Variants in NTN4 observed in about 807,000 individuals in gnomAD.
The protein encoded by NTN4 is netrin-4.
NTN4 carries 32 observed loss-of-function variants against 73.6 expected under a neutral mutation model. The observed-to-expected ratio is 0.44, with a 90% confidence interval of 0.33 to 0.58. The LOEUF (loss-of-function observed/expected upper bound fraction) is 0.58, where lower values mean the gene tolerates loss of function less well. NTN4 is among the 20% of genes least tolerant of loss of function. NTN4 has a pLI of 0.04. For missense variants in NTN4, 654 were observed against 798.3 expected (o/e 0.82, Z 2.18); for synonymous variants, 258 against 287.5 (o/e 0.90, Z 1.04).
At chr12:95,712,847 A>G (rs1227512456) in intron 4 of NTN4, among the ~76,000 whole-genome samples, 2 of 133,314 alleles carry the variant, frequency 1.5e-5, no homozygotes, top group Admixed American at 8.9e-5. Flanking sequence ...CATGTTGGCC[A>G]GGCTGGTCTT....
At chr12:95,672,335 C>A in intron 7 of NTN4, 1 of 789,260 alleles carries the variant, frequency 1.3e-6, no homozygotes, top group Non-Finnish European at 2.3e-6. Context: ...GCTGATCCAG[C>A]ATGGAGAGTG....
At position 95,670,360 on chromosome 12, in the gene NTN4, G is replaced by T. The variant is rs181514574; in HGVS notation, c.1511-214C>A. 1.0e-5 allele frequency: 4 copies of T among 387,678 alleles called. No individual in the cohort carries two copies. The Admixed American group carries it at 1.8e-4, about 18-fold the overall frequency. The allele number at this position is 387,678 out of a possible 1,614,324, so 24.0% of individuals were successfully genotyped here. On this transcript the variant is annotated intron_variant, in intron 7 of 9. Coordinates refer to ENST00000343702, the MANE Select transcript of NTN4 (RefSeq NM_021229.4). ...CTTCCAATAAAGTATTCATCCAAGAGAAATACAGAAGGTAGAAACAGTGAT... is the reference window on the plus strand; with the variant it reads ...CTTCCAATAAAGTATTCATCCAAGATAAATACAGAAGGTAGAAACAGTGAT...
At chr12:95,779,400 G>A (rs1022863129) in intron 2 of NTN4, among the ~76,000 whole-genome samples, 1 of 152,232 alleles carries the variant, frequency 6.6e-6, no homozygotes, top group Non-Finnish European at 1.5e-5. Flanking sequence ...TGTATATTTA[G>A]AAAACTCCAT....
At chr12:95,660,530 GA>G (rs1057279202) in intron 9 of NTN4, among the ~76,000 whole-genome samples, 11 of 151,604 alleles carry the variant, frequency 7.3e-5, no homozygotes, top group African/African-American at 2.7e-4. Context: ...TCAAGCTTTA[GA>G]TAACAAATTT....
At chr12:95,756,946 A>G (rs2078951266) in intron 2 of NTN4, among the ~76,000 whole-genome samples, 1 of 152,028 alleles carries the variant, frequency 6.6e-6, no homozygotes, top group Non-Finnish European at 1.5e-5. Flanking sequence ...GTCATCTTTG[A>G]TGTAACTTTA....
chr12:95,786,322 T>C (rs912828815), intron 2 of NTN4, among the ~76,000 whole-genome samples: 1 of 152,210 alleles, frequency 6.6e-6, no homozygotes, highest in Non-Finnish European at 1.5e-5. Flanking sequence ...GAGAAAGGAA[T>C]ATTAAAGAGA....
intron 2 of NTN4, among the ~76,000 whole-genome samples, chr12:95,739,296 A>G (rs900172805): frequency 6.6e-6 from 1 of 152,252 alleles, no homozygotes; most frequent in Non-Finnish European, 1.5e-5. Context: ...GACAATAATA[A>G]GAAATAACGG....
intron 3 of NTN4, among the ~76,000 whole-genome samples, chr12:95,737,605 A>G (rs1219889348): frequency 6.6e-6 from 1 of 152,160 alleles, no homozygotes; most frequent in African/African-American, 2.4e-5. Context: ...TGCTCACTTT[A>G]CACTTTATAT....
intron 3 of NTN4, among the ~76,000 whole-genome samples, chr12:95,727,199 T>C (rs1183765919): frequency 2.0e-5 from 3 of 152,212 alleles, no homozygotes; most frequent in African/African-American, 7.2e-5. Flanking sequence ...TTTATGTGCT[T>C]ATTGGCCATT....
intron 2 of NTN4, among the ~76,000 whole-genome samples, chr12:95,762,736 G>T (rs953433041): frequency 2.0e-5 from 3 of 152,180 alleles, no homozygotes; most frequent in Non-Finnish European, 4.4e-5. Context: ...TCTGCTCATG[G>T]AGTAGAGATT....
rs537937604 is a variant in NTN4 at position 95,716,769 on chromosome 12, T to A, written c.865-3431A>T. On this transcript the variant is annotated intron_variant, in intron 3 of 9. Coordinates refer to ENST00000343702, the MANE Select transcript of NTN4 (RefSeq NM_021229.4). ...TTACATCAGCATGTTAATTCTTATG[T>A]AGTTTTTTTGCATCCTCTCCATTTT... 2.7e-4 allele frequency among the ~76,000 whole-genome samples: 41 copies of A among 152,276 alleles called. 1 individual carries two copies. The highest frequency in any genetic ancestry group is 6.8e-3 in the Middle Eastern group (2 of 294).
chr12:95,758,311 T>G (rs1393305933), intron 2 of NTN4, among the ~76,000 whole-genome samples: 1 of 152,204 alleles, frequency 6.6e-6, no homozygotes, highest in Non-Finnish European at 1.5e-5. Context: ...GGTTTTAGTT[T>G]GTATTTCCCT....
At chr12:95,667,090 G>C (rs1334033715) in intron 8 of NTN4, among the ~76,000 whole-genome samples, 1 of 152,106 alleles carries the variant, frequency 6.6e-6, no homozygotes, top group Admixed American at 6.5e-5. Flanking sequence ...TGATGAAATT[G>C]ATATGGCTGG....
At chr12:95,675,718 T>A (rs926586662) in intron 7 of NTN4, among the ~76,000 whole-genome samples, 4 of 152,232 alleles carry the variant, frequency 2.6e-5, no homozygotes, top group African/African-American at 9.6e-5. Flanking sequence ...GAATGTGCAT[T>A]CGGGGGATAG....
At chr12:95,715,469 C>A (rs2078598488) in intron 3 of NTN4, among the ~76,000 whole-genome samples, 1 of 151,992 alleles carries the variant, frequency 6.6e-6, no homozygotes. Flanking sequence ...TCTTGGAATC[C>A]CCAAGTATGA....
intron 2 of NTN4, among the ~76,000 whole-genome samples, chr12:95,770,500 G>T: frequency 6.6e-6 from 1 of 152,170 alleles, no homozygotes; most frequent in Non-Finnish European, 1.5e-5. Flanking sequence ...CTTTTTATTT[G>T]GAGGTGGTGG....
intron 2 of NTN4, among the ~76,000 whole-genome samples, chr12:95,746,241 G>C (rs921707000): frequency 2.6e-5 from 4 of 152,128 alleles, no homozygotes; most frequent in Non-Finnish European, 5.9e-5. Context: ...CCAGGAATTC[G>C]TCCGATTGAT....
At position 95,789,092 on chromosome 12, in the gene NTN4, T is replaced by C. The variant is rs1385336545; in HGVS notation, c.55+1163A>G. Among the ~76,000 whole-genome samples, 3 of 152,132 alleles carry C rather than the reference T, an allele frequency of 2.0e-5. No homozygotes were observed. The highest frequency in any genetic ancestry group is 6.5e-5 in the Admixed American group (1 of 15,280). On this transcript the variant is annotated intron_variant, in intron 1 of 9. Transcript: ENST00000343702. The surrounding 1 kb of genome is among the most constrained non-coding windows in gnomAD (Gnocchi z 4.0). ...CCAATAATTTTAAATGCCCCTAAAC[T>C]CCTAAGTCCAGAAAAGATTTGAGCC...
intron 1 of NTN4, among the ~76,000 whole-genome samples, chr12:95,787,779 G>C (rs1325264740): frequency 2.6e-5 from 4 of 152,150 alleles, no homozygotes; most frequent in East Asian, 3.9e-4. Flanking sequence ...GAACCACCAG[G>C]GTGAAGATTA....
Sources: allele counts gnomAD v4.1 joint callset (sites outside exome capture counted in the v4.1 genomes callset), GRCh38; gene constraint gnomAD v4.1.1; non-coding constraint Gnocchi (gnomAD v3.1); transcripts MANE v1.5; gene names NCBI Gene and HGNC (gene_info 2026-07-23, HGNC 2026-07-21).